The following PCDHA2 variants were observed in gnomAD, a reference collection of about 807,000 sequenced individuals.
PCDHA2 encodes the protein protocadherin alpha 2.
In PCDHA2, 58 loss-of-function variants were observed where a neutral mutation model predicts 66.0. The observed-to-expected ratio is 0.88, with a 90% confidence interval of 0.71 to 1.09. The LOEUF is 1.09. Ranked by LOEUF, PCDHA2 falls within the 50% of genes least tolerant of loss-of-function variation. The pLI is 0.00. For missense variants in PCDHA2, 1,267 were observed against 1,242.3 expected (o/e 1.02, Z -0.30); for synonymous variants, 634 against 554.0 (o/e 1.14, Z -2.03).
intron 1 of PCDHA2, among the ~76,000 whole-genome samples, chr5:140,900,829 A>G (rs2068324648): frequency 6.6e-6 from 1 of 152,110 alleles, no homozygotes; most frequent in Non-Finnish European, 1.5e-5. Context: ...TCCCACCAAC[A>G]ATGTACAAAG....
At position 140,960,349 on chromosome 5, in the gene PCDHA2, A is replaced by T. The variant is rs936485666; in HGVS notation, c.2389-18600A>T. Among the ~76,000 whole-genome samples, 8 of 152,238 alleles carry T rather than the reference A, an allele frequency of 5.3e-5. No homozygotes were observed. The East Asian group carries it at 1.3e-3, about 26-fold the overall frequency. ...GAGAAGTACATGAGGTGAGATATGTACTGAAATAATATGCCAACTCTTAAG... is the reference window on the plus strand; with the variant it reads ...GAGAAGTACATGAGGTGAGATATGTTCTGAAATAATATGCCAACTCTTAAG... On this transcript the variant is annotated intron_variant, in intron 1 of 3. Coordinates refer to ENST00000526136, the MANE Select transcript of PCDHA2 (RefSeq NM_018905.3).
At chr5:140,947,907 C>T (rs2094191786) in intron 1 of PCDHA2, among the ~76,000 whole-genome samples, 1 of 151,546 alleles carries the variant, frequency 6.6e-6, no homozygotes, top group African/African-American at 2.4e-5. Context: ...TGAGAGCAGA[C>T]ATTCTTGCCT....
chr5:140,851,723 G>A lies in PCDHA2; in HGVS notation c.2388+54371G>A, dbSNP rs1581264682. 7 of 966,358 alleles carry A rather than the reference G, an allele frequency of 7.2e-6. 1 individual carries two copies. In the South Asian group the frequency reaches 1.4e-4, roughly 20 times the overall value. 59.9% of individuals were successfully genotyped at this position (966,358 alleles called of 1,614,324 possible). A position where few individuals can be genotyped will look rare whatever the true frequency, so the allele number is the denominator to read the frequency against. ...CAGCCATGTGAAGATTCGAAACTTC[G>A]AGTTCTTTTGAAATTCAGAGTCTGT... On this transcript the variant is annotated intron_variant, in intron 1 of 3. Transcript: ENST00000526136.
At chr5:140,952,721 G>A (rs781821007) in intron 1 of PCDHA2, among the ~76,000 whole-genome samples, 1 of 152,100 alleles carries the variant, frequency 6.6e-6, no homozygotes, top group Non-Finnish European at 1.5e-5. Context: ...TCAATTTTCT[G>A]TACTAGTCTT....
chr5:140,805,128 G>C (rs183815562), intron 1 of PCDHA2: 2 of 1,581,096 alleles, frequency 1.3e-6, no homozygotes, highest in Non-Finnish European at 8.5e-7. Context: ...TCTTGGCAAA[G>C]ACATTTTGAA....
chr5:140,946,631 T>TAC (rs374022482), intron 1 of PCDHA2, among the ~76,000 whole-genome samples: 8 of 131,856 alleles, frequency 6.1e-5, no homozygotes, highest in African/African-American at 1.7e-4. Context: ...TATATATATA[T>TAC]ACAATGGAAT....
chr5:140,882,668 C>T, intron 1 of PCDHA2: 1 of 1,614,138 alleles, frequency 6.2e-7, no homozygotes, highest in Non-Finnish European at 8.5e-7. Context: ...GCCCATATTC[C>T]CTGAAAGCAA....
intron 1 of PCDHA2, chr5:140,966,947 G>A (rs782439197): frequency 6.2e-7 from 1 of 1,603,520 alleles, no homozygotes; most frequent in Middle Eastern, 1.7e-4. Context: ...CGTGGGCAAC[G>A]TGGCTCGCGC....
intron 1 of PCDHA2, chr5:140,862,228 T>C (rs1247109904): frequency 9.6e-6 from 2 of 209,024 alleles, no homozygotes; most frequent in Non-Finnish European, 1.9e-5. Flanking sequence ...ATAGAAGTCT[T>C]GGACATCAAT....
At chr5:140,803,551 G>C in intron 1 of PCDHA2, 1 of 1,614,242 alleles carries the variant, frequency 6.2e-7, no homozygotes, top group Non-Finnish European at 8.5e-7. Context: ...AGCCGGGATA[G>C]AGAGGAGAAA....
chr5:140,816,091 C>T (rs1765841827), intron 1 of PCDHA2: 1 of 152,174 alleles, frequency 6.6e-6, no homozygotes, highest in African/African-American at 2.4e-5. Context: ...AATAAGCTGT[C>T]TGTCCTTTTC....
intron 1 of PCDHA2, chr5:140,811,799 T>C (rs1554125817): frequency 6.6e-6 from 1 of 152,256 alleles, no homozygotes; most frequent in East Asian, 1.9e-4. Flanking sequence ...AAATGTCTTC[T>C]TTTGAGAAGT....
intron 1 of PCDHA2, among the ~76,000 whole-genome samples, chr5:140,878,601 T>A (rs1409343825): frequency 6.6e-6 from 1 of 152,224 alleles, no homozygotes; most frequent in African/African-American, 2.4e-5. Flanking sequence ...ACCAAGTGAA[T>A]CTTCTAATGT....
intron 1 of PCDHA2, among the ~76,000 whole-genome samples, chr5:140,963,754 T>C (rs190216638): frequency 2.3e-4 from 35 of 152,374 alleles, no homozygotes; most frequent in Admixed American, 7.2e-4. Flanking sequence ...TGATAATAAA[T>C]TGTTGTATTT....
chr5:140,823,444 G>C, intron 1 of PCDHA2: 1 of 1,613,408 alleles, frequency 6.2e-7, no homozygotes. Context: ...CGTGCTGGAC[G>C]AGAACGACAA....
chr5:140,949,591 T>A (rs1279124605), intron 1 of PCDHA2, among the ~76,000 whole-genome samples: 2 of 151,928 alleles, frequency 1.3e-5, no homozygotes, highest in Non-Finnish European at 2.9e-5. Flanking sequence ...GTGATATTAA[T>A]GTGGCCATTC....
At chr5:140,963,631 G>A (rs1168776991) in intron 1 of PCDHA2, among the ~76,000 whole-genome samples, 2 of 152,144 alleles carry the variant, frequency 1.3e-5, no homozygotes, top group African/African-American at 2.4e-5. Flanking sequence ...TGTTGCATAC[G>A]CATCTTCCCT....
chr5:140,875,657 G>A (rs1241102848), intron 1 of PCDHA2: 1 of 1,613,738 alleles, frequency 6.2e-7, no homozygotes, highest in South Asian at 1.1e-5. Context: ...CTGGTGCCGC[G>A]CCTGTTCCGG....
chr5:140,834,254 G>A, intron 1 of PCDHA2: 1 of 927,246 alleles, frequency 1.1e-6, no homozygotes, highest in Non-Finnish European at 1.6e-6. Flanking sequence ...CTGGAAAGAC[G>A]CTCCACTCTC....
Sources: allele counts gnomAD v4.1 joint callset (sites outside exome capture counted in the v4.1 genomes callset), GRCh38; gene constraint gnomAD v4.1.1; transcripts MANE v1.5; gene names NCBI Gene and HGNC (gene_info 2026-07-23, HGNC 2026-07-21).